The following SPIN1 variants were observed in gnomAD, a reference collection of about 807,000 sequenced individuals.
SPIN1 encodes the protein spindlin-1.
SPIN1 carries 3 observed loss-of-function variants against 26.0 expected under a neutral mutation model. The observed-to-expected ratio is 0.12, with a 90% CI of 0.05 to 0.30. The LOEUF (loss-of-function observed/expected upper bound fraction) is 0.30, where lower values mean the gene tolerates loss of function less well. SPIN1 is among the 10% of genes least tolerant of loss of function. The pLI is 1.00. For synonymous variants in SPIN1, 101 were observed against 116.5 expected (o/e 0.87, Z 0.86); for missense variants, 126 against 333.4 (o/e 0.38, Z 4.84).
At chr9:88,442,486 C>T (rs965022927) in intron 2 of SPIN1, among the ~76,000 whole-genome samples, 1 of 151,728 alleles carries the variant, frequency 6.6e-6, no homozygotes, top group African/African-American at 2.4e-5. Flanking sequence ...TCACTGCAAC[C>T]TCTGCCTCCC....
rs139613264 is a variant in SPIN1 at position 88,404,610 on chromosome 9, T to A, written c.-159+16072T>A. ...TTACTTTTGTTTTTACTTTTTAAACTTTTTGTTAAAAACTAAGATACTTGG... is the reference window on the plus strand; with the variant it reads ...TTACTTTTGTTTTTACTTTTTAAACATTTTGTTAAAAACTAAGATACTTGG... On this transcript the variant is annotated intron_variant, in intron 1 of 5. Coordinates refer to ENST00000375859, the MANE Select transcript of SPIN1 (RefSeq NM_006717.3). Among the ~76,000 whole-genome samples the A allele has an allele frequency of 3.1e-4, 47 of 152,260 alleles. No homozygotes were observed. In the East Asian group the frequency reaches 6.2e-3, roughly 20 times the overall value.
chr9:88,414,264 C>A (rs1301602195), intron 1 of SPIN1, among the ~76,000 whole-genome samples: 1 of 152,222 alleles, frequency 6.6e-6, no homozygotes, highest in East Asian at 1.9e-4. Context: ...CCTCTCTGAA[C>A]TTTGGGCTGT....
intron 1 of SPIN1, among the ~76,000 whole-genome samples, chr9:88,408,981 T>TTGTGTGTGTGTGTGTGTGTGTG (rs148808911): frequency 5.0e-4 from 68 of 136,698 alleles, no homozygotes; most frequent in African/African-American, 1.8e-3. Flanking sequence ...TTGTGTGTGT[T>TTGTGTGTGTGTGTGTGTGTGTG]TGTGTGTGTG....
intron 2 of SPIN1, among the ~76,000 whole-genome samples, chr9:88,440,596 T>G (rs1828101273): frequency 6.6e-6 from 1 of 152,058 alleles, no homozygotes; most frequent in Non-Finnish European, 1.5e-5. Context: ...TTTTTTTCTC[T>G]GAGATGGAGT....
chr9:88,409,102 T>G (rs1052302236), intron 1 of SPIN1, among the ~76,000 whole-genome samples: 8 of 151,668 alleles, frequency 5.3e-5, no homozygotes, highest in Admixed American at 3.3e-4. Flanking sequence ...TTCAAGAGAT[T>G]CTCTTGACTT....
chr9:88,465,957 A>G (rs866470035), intron 4 of SPIN1, among the ~76,000 whole-genome samples: 20 of 152,348 alleles, frequency 1.3e-4, no homozygotes, highest in Middle Eastern at 3.4e-3. Flanking sequence ...AGACATTAGG[A>G]GATTTGCAAA....
chr9:88,461,924 T>C (rs1391511454), intron 3 of SPIN1, among the ~76,000 whole-genome samples: 1 of 152,264 alleles, frequency 6.6e-6, no homozygotes, highest in Non-Finnish European at 1.5e-5. Context: ...GTAATGTTTC[T>C]ATAGTGCATT....
At chr9:88,442,097 G>A (rs1275066117) in intron 2 of SPIN1, among the ~76,000 whole-genome samples, 6 of 150,168 alleles carry the variant, frequency 4.0e-5, no homozygotes, top group South Asian at 2.1e-4. Flanking sequence ...GATTACAGGC[G>A]CTTGCCACCG....
chr9:88,437,653 A>G (rs1381102681), intron 2 of SPIN1, among the ~76,000 whole-genome samples: 2 of 152,210 alleles, frequency 1.3e-5, no homozygotes, highest in Non-Finnish European at 2.9e-5. Flanking sequence ...TTTGCAAGAA[A>G]TTGCCAAACT....
At chr9:88,439,843 C>T (rs1316184163) in intron 2 of SPIN1, among the ~76,000 whole-genome samples, 2 of 152,108 alleles carry the variant, frequency 1.3e-5, no homozygotes, top group African/African-American at 2.4e-5. Context: ...TTTTCTTCAT[C>T]CATTTACTTT....
At chr9:88,398,060 C>A (rs1827104933) in intron 1 of SPIN1, among the ~76,000 whole-genome samples, 2 of 148,900 alleles carry the variant, frequency 1.3e-5, no homozygotes, top group Admixed American at 1.3e-4. Flanking sequence ...GTAGCTGAGA[C>A]TACAGGCATG....
chr9:88,407,874 C>T (rs1348817867), intron 1 of SPIN1, among the ~76,000 whole-genome samples: 1 of 151,616 alleles, frequency 6.6e-6, no homozygotes, highest in Admixed American at 6.6e-5. Flanking sequence ...GATCCTCCTA[C>T]CTCAGCCTCT....
At chr9:88,474,907 T>A (rs572442370) in intron 5 of SPIN1, among the ~76,000 whole-genome samples, 171 bp from the exon 6 acceptor site, 56 of 152,318 alleles carry the variant, frequency 3.7e-4, no homozygotes, top group Admixed American at 5.9e-4. Context: ...ATTTACTGTC[T>A]TGTCTTTTAC....
At chr9:88,473,889 G>T (rs968710427) in intron 5 of SPIN1, among the ~76,000 whole-genome samples, 1 of 152,092 alleles carries the variant, frequency 6.6e-6, no homozygotes, top group Admixed American at 6.5e-5. Context: ...TAAGGGAAGA[G>T]AATTTTTAAA....
At chr9:88,467,494 G>T (rs932217902) in intron 4 of SPIN1, among the ~76,000 whole-genome samples, 1 of 152,136 alleles carries the variant, frequency 6.6e-6, no homozygotes, top group Non-Finnish European at 1.5e-5. Flanking sequence ...AAAAGGAACC[G>T]GCCTTCTGAA....
chr9:88,415,337 G>A (rs1340997818), intron 1 of SPIN1, among the ~76,000 whole-genome samples: 4 of 152,150 alleles, frequency 2.6e-5, no homozygotes, highest in Admixed American at 2.6e-4. Context: ...TATAAGGATT[G>A]AGCCCTTTAT....
intron 2 of SPIN1, among the ~76,000 whole-genome samples, chr9:88,446,809 A>G (rs1049709481): frequency 6.6e-6 from 1 of 152,090 alleles, no homozygotes; most frequent in African/African-American, 2.4e-5. Flanking sequence ...TTGTTTTCCT[A>G]TATTTAATGT....
At chr9:88,434,610 AAGCAGTATGTAGAGCTCT>A (rs1263838608) in intron 2 of SPIN1, among the ~76,000 whole-genome samples, 8 of 152,102 alleles carry the variant, frequency 5.3e-5, no homozygotes, top group Non-Finnish European at 1.0e-4. Context: ...AATGTGGGTT[AAGCAGTATGTAGAGCTCT>A]AGCAGTATGT....
intron 1 of SPIN1, among the ~76,000 whole-genome samples, chr9:88,420,884 T>G (rs540674012): frequency 6.6e-6 from 1 of 152,334 alleles, no homozygotes; most frequent in Admixed American, 6.5e-5. Flanking sequence ...CAGATTTGAT[T>G]TTGAATTATT....
Sources: gnomAD v4.1 joint callset for allele counts (sites outside exome capture counted in the v4.1 genomes callset) on GRCh38, gnomAD v4.1.1 for gene constraint, MANE v1.5 for transcripts, NCBI Gene and HGNC (gene_info 2026-07-23, HGNC 2026-07-21) for gene names.